Variants in SLC35F4 observed in about 807,000 individuals in gnomAD.
SLC35F4 encodes chromosome 14 open reading frame 36.
SLC35F4 carries 24 observed loss-of-function variants against 44.2 expected under a neutral mutation model. That is an observed-to-expected ratio of 0.54 (90% CI 0.39 to 0.76). SLC35F4 has a LOEUF of 0.76. Among genes scored for constraint, SLC35F4 ranks in the 30% least tolerant of loss-of-function variants. SLC35F4 has a pLI of 0.00. For missense variants in SLC35F4, 562 were observed against 586.1 expected (o/e 0.96, Z 0.42); for synonymous variants, 238 against 223.6 (o/e 1.06, Z -0.57).
chr14:57,665,091 C>A (rs2074262786), intron 1 of SLC35F4, among the ~76,000 whole-genome samples: 2 of 151,992 alleles, frequency 1.3e-5, no homozygotes, highest in Admixed American at 6.6e-5. Context: ...TTCCCTTTGT[C>A]ATCCACTCCT....
intron 1 of SLC35F4, among the ~76,000 whole-genome samples, chr14:57,882,985 T>C (rs997302991): frequency 1.4e-5 from 2 of 147,614 alleles, no homozygotes; most frequent in African/African-American, 5.0e-5. Flanking sequence ...CCTCTGCCCT[T>C]GGAAGAATAA....
At chr14:57,705,619 C>T (rs1331547937) in intron 1 of SLC35F4, among the ~76,000 whole-genome samples, 1 of 152,148 alleles carries the variant, frequency 6.6e-6, no homozygotes, top group Non-Finnish European at 1.5e-5. Context: ...TTCCATGACC[C>T]CAGCTTGCTC....
chr14:57,728,347 T>C (rs1188607788), intron 1 of SLC35F4, among the ~76,000 whole-genome samples: 19 of 152,004 alleles, frequency 1.2e-4, no homozygotes, highest in Non-Finnish European at 1.5e-5. Context: ...AGCCACTCTA[T>C]GTCTTTTGAT....
At chr14:57,786,214 G>A (rs1566852627) in intron 1 of SLC35F4, among the ~76,000 whole-genome samples, 1 of 152,058 alleles carries the variant, frequency 6.6e-6, no homozygotes, top group Non-Finnish European at 1.5e-5. Flanking sequence ...GTACACAACT[G>A]CGGTGACTTA....
At chr14:57,774,433 G>A (rs1478894995) in intron 1 of SLC35F4, among the ~76,000 whole-genome samples, 1 of 152,200 alleles carries the variant, frequency 6.6e-6, no homozygotes, top group East Asian at 1.9e-4. Context: ...CTGGTGCAGA[G>A]TCCAGAGGGC....
intron 1 of SLC35F4, among the ~76,000 whole-genome samples, chr14:57,966,594 G>A (rs1029150871): frequency 2.0e-5 from 3 of 152,090 alleles, no homozygotes; most frequent in African/African-American, 7.2e-5. Flanking sequence ...ATTTACGTGG[G>A]GAATAGAGAA....
intron 1 of SLC35F4, among the ~76,000 whole-genome samples, chr14:57,654,261 C>T (rs1471117252): frequency 3.3e-5 from 5 of 152,078 alleles, no homozygotes; most frequent in Non-Finnish European, 7.4e-5. Context: ...TACACTGTAT[C>T]CAATACATAA....
At chr14:57,727,157 C>T (rs117334137) in intron 1 of SLC35F4, among the ~76,000 whole-genome samples, 7,055 of 149,704 alleles carry the variant, frequency 0.047, 218 homozygotes, top group South Asian at 0.088. Flanking sequence ...TATATGTATT[C>T]TATTAGTTAT....
intron 1 of SLC35F4, among the ~76,000 whole-genome samples, chr14:57,669,643 G>T (rs1418052535): frequency 6.6e-6 from 1 of 152,064 alleles, no homozygotes; most frequent in Non-Finnish European, 1.5e-5. Flanking sequence ...TTATTGATTT[G>T]CATCTGTTGA....
chr14:57,859,968 G>T lies in SLC35F4; in HGVS notation c.103+5755C>A, dbSNP rs80162778. On this transcript the variant is annotated intron_variant, in intron 1 of 7. Coordinates refer to ENST00000556826, the MANE Select transcript of SLC35F4 (RefSeq NM_001306087.2). ...TGACTGGAGGACATTCAGGTAGAAT[G>T]TTCGAAGGAATTTTGAAATACAGGT... Among the ~76,000 whole-genome samples, 694 of 152,304 alleles carry T rather than the reference G, an allele frequency of 4.6e-3. 6 individuals carry two copies. Among genetic ancestry groups the T allele is most frequent in the African/African-American group, 0.016 (665 of 41,550 alleles).
intron 1 of SLC35F4, among the ~76,000 whole-genome samples, chr14:57,947,614 G>A (rs143543698): frequency 6.6e-6 from 1 of 152,060 alleles, no homozygotes; most frequent in Non-Finnish European, 1.5e-5. Flanking sequence ...CAGTTCTTGG[G>A]GGAATGCCTT....
intron 1 of SLC35F4, among the ~76,000 whole-genome samples, chr14:57,926,491 G>A (rs1212365451): frequency 6.6e-6 from 1 of 152,046 alleles, no homozygotes; most frequent in African/African-American, 2.4e-5. Flanking sequence ...ATTTACTAAA[G>A]GGGGAAACAA....
chr14:57,832,648 G>A (rs1884497563), intron 1 of SLC35F4, among the ~76,000 whole-genome samples: 1 of 152,102 alleles, frequency 6.6e-6, no homozygotes, highest in African/African-American at 2.4e-5. Flanking sequence ...ACAATAAACA[G>A]AGAATGATAA....
intron 1 of SLC35F4, among the ~76,000 whole-genome samples, chr14:57,693,951 T>C (rs2075307174): frequency 6.6e-6 from 1 of 152,196 alleles, no homozygotes; most frequent in South Asian, 2.1e-4. Flanking sequence ...GAACCTAGTG[T>C]CAAACTTCAG....
At chr14:57,960,794 C>A (rs564126286) in intron 1 of SLC35F4, among the ~76,000 whole-genome samples, 1 of 152,078 alleles carries the variant, frequency 6.6e-6, no homozygotes, top group Non-Finnish European at 1.5e-5. Context: ...AGGACAGAGG[C>A]CAGTGGAAGA....
intron 1 of SLC35F4, among the ~76,000 whole-genome samples, chr14:57,625,254 G>A (rs922309993): frequency 1.3e-5 from 2 of 152,078 alleles, no homozygotes; most frequent in Non-Finnish European, 2.9e-5. Flanking sequence ...GGGATGTGAA[G>A]GACCTCTTCA....
intron 1 of SLC35F4, among the ~76,000 whole-genome samples, chr14:57,818,096 G>T (rs1005654687): frequency 3.3e-5 from 5 of 152,106 alleles, no homozygotes; most frequent in African/African-American, 1.2e-4. Context: ...ATTAGGTTGT[G>T]GAATTTGGTA....
intron 1 of SLC35F4, among the ~76,000 whole-genome samples, chr14:57,944,325 C>T (rs1889969462): frequency 6.6e-6 from 1 of 152,088 alleles, no homozygotes; most frequent in East Asian, 1.9e-4. Flanking sequence ...ATGTGTTAAC[C>T]CGATAACTCC....
intron 1 of SLC35F4, among the ~76,000 whole-genome samples, chr14:57,755,183 G>A (rs1335255751): frequency 6.6e-6 from 1 of 152,132 alleles, no homozygotes; most frequent in Non-Finnish European, 1.5e-5. Context: ...ATCCACCCTG[G>A]ACCCACCACA....
Sources: allele counts gnomAD v4.1 joint callset (sites outside exome capture counted in the v4.1 genomes callset), GRCh38; gene constraint gnomAD v4.1.1; transcripts MANE v1.5; gene names NCBI Gene and HGNC (gene_info 2026-07-23, HGNC 2026-07-21).